BCAS1: variants seen among roughly 807,000 people sequenced by gnomAD.
BCAS1 encodes the protein brain enriched myelin associated protein 1, also known as breast carcinoma-amplified sequence 1.
Under a neutral mutation model 65.4 loss-of-function variants are expected in BCAS1, and 46 were observed. That is an observed-to-expected ratio of 0.70 (90% CI 0.55 to 0.90). The LOEUF is 0.90. Ranked by LOEUF, BCAS1 falls within the 40% of genes least tolerant of loss-of-function variation. The pLI is 0.00. For synonymous variants in BCAS1, 298 were observed against 293.5 expected (o/e 1.02, Z -0.16); for missense variants, 793 against 771.2 (o/e 1.03, Z -0.33).
intron 1 of BCAS1, among the ~76,000 whole-genome samples, chr20:54,059,314 G>A (rs756532459): frequency 1.3e-5 from 2 of 152,170 alleles, no homozygotes; most frequent in Non-Finnish European, 2.9e-5. Context: ...GCATTTCATT[G>A]CTAGGGGAAA....
chr20:54,050,278 C>T (rs1000774625), intron 3 of BCAS1, among the ~76,000 whole-genome samples: 6 of 152,170 alleles, frequency 3.9e-5, no homozygotes, highest in African/African-American at 1.4e-4. Context: ...TCTCACATTC[C>T]TTAGTCACAT....
At chr20:53,989,459 A>G (rs80132953) in intron 7 of BCAS1, among the ~76,000 whole-genome samples, 3,129 of 152,278 alleles carry the variant, frequency 0.021, 47 homozygotes, top group Middle Eastern at 0.058. Context: ...TACGTCCCCA[A>G]TTCCCATCAG....
chr20:54,027,792 C>T (rs1052616489), intron 4 of BCAS1, among the ~76,000 whole-genome samples: 9 of 142,418 alleles, frequency 6.3e-5, no homozygotes. Flanking sequence ...ACAAAAAAAC[C>T]CCCCAAAAAA....
chr20:54,039,245 C>CT (rs779584907), intron 3 of BCAS1, among the ~76,000 whole-genome samples: 2 of 151,506 alleles, frequency 1.3e-5, no homozygotes, highest in African/African-American at 2.4e-5. Context: ...AGATTTGAAA[C>CT]TTTCACTGAA....
intron 2 of BCAS1, 37 bp from the exon 3 acceptor site, chr20:54,058,191 C>CG: frequency 6.3e-7 from 1 of 1,587,974 alleles, no homozygotes; most frequent in South Asian, 1.1e-5. Context: ...GACAAATCTT[C>CG]GGGGGAAAAT....
At chr20:54,062,359 C>T (rs1486838035) in intron 1 of BCAS1, among the ~76,000 whole-genome samples, 2 of 152,218 alleles carry the variant, frequency 1.3e-5, no homozygotes, top group Non-Finnish European at 2.9e-5. Context: ...AGCAATTCAA[C>T]AAGACAGAGG....
At chr20:53,997,949 C>T (rs566970914) in intron 4 of BCAS1, among the ~76,000 whole-genome samples, 1 of 152,254 alleles carries the variant, frequency 6.6e-6, no homozygotes, top group Non-Finnish European at 1.5e-5. Flanking sequence ...GTGGGTTCCG[C>T]CTTCTCCACA....
intron 7 of BCAS1, among the ~76,000 whole-genome samples, chr20:53,985,798 A>G (rs1275709606): frequency 6.6e-6 from 1 of 152,152 alleles, no homozygotes; most frequent in Non-Finnish European, 1.5e-5. Flanking sequence ...TAGAATATGG[A>G]GTTCTTATTT....
intron 4 of BCAS1, among the ~76,000 whole-genome samples, chr20:54,005,970 G>T (rs1025856088): frequency 6.6e-6 from 1 of 152,160 alleles, no homozygotes; most frequent in African/African-American, 2.4e-5. Context: ...CAATAATTTG[G>T]AGTCAGACTG....
chr20:54,021,564 G>C (rs969122136), intron 4 of BCAS1, among the ~76,000 whole-genome samples: 8 of 151,654 alleles, frequency 5.3e-5, no homozygotes, highest in Non-Finnish European at 1.0e-4. Context: ...AAAGGAACAA[G>C]ATCATGTCCT....
At chr20:54,009,347 A>G (rs2091272963) in intron 4 of BCAS1, among the ~76,000 whole-genome samples, 1 of 152,230 alleles carries the variant, frequency 6.6e-6, no homozygotes, top group Non-Finnish European at 1.5e-5. Flanking sequence ...CTCTATTAGT[A>G]GAGACAACAG....
chr20:54,059,126 C>G (rs1450856191), intron 1 of BCAS1, among the ~76,000 whole-genome samples: 1 of 152,204 alleles, frequency 6.6e-6, no homozygotes, highest in East Asian at 1.9e-4. Context: ...ATCCAATTAC[C>G]TCCACCTGGT....
chr20:54,000,704 G>A (rs1487335541), intron 4 of BCAS1, among the ~76,000 whole-genome samples: 1 of 151,704 alleles, frequency 6.6e-6, no homozygotes, highest in African/African-American at 2.4e-5. Flanking sequence ...GGTTCCTTTT[G>A]GATAGTTTCT....
chr20:54,055,340 T>C (rs1214619966), intron 3 of BCAS1, among the ~76,000 whole-genome samples: 1 of 152,176 alleles, frequency 6.6e-6, no homozygotes, highest in East Asian at 1.9e-4. Context: ...GAATTGGACT[T>C]ACAGATCCAT....
chr20:54,041,611 G>T (rs1021714386), intron 3 of BCAS1, among the ~76,000 whole-genome samples: 1 of 152,024 alleles, frequency 6.6e-6, no homozygotes, highest in African/African-American at 2.4e-5. Flanking sequence ...GGCTGGGTAC[G>T]GTGGCTTAAC....
At chr20:54,002,722 A>G (rs1401035584) in intron 4 of BCAS1, among the ~76,000 whole-genome samples, 1 of 152,246 alleles carries the variant, frequency 6.6e-6, no homozygotes, top group Non-Finnish European at 1.5e-5. Flanking sequence ...GATTATGAAC[A>G]TTATTTATAA....
intron 1 of BCAS1, among the ~76,000 whole-genome samples, chr20:54,068,136 A>C (rs1258023770): frequency 6.6e-6 from 1 of 152,188 alleles, no homozygotes; most frequent in East Asian, 1.9e-4. Flanking sequence ...GAACTGCCCA[A>C]GCCCTGATTC....
In BCAS1 at chr20:53,985,518, T is replaced by C; in HGVS notation, c.1063-19A>G. The C allele has an allele frequency of 2.5e-6, 4 of 1,607,942 alleles. No individual in the cohort carries two copies. Among genetic ancestry groups the C allele is most frequent in the Non-Finnish European group, 2.6e-6 (3 of 1,175,836 alleles). ...CAGCACCCTAAAGAGTTAAAAAAAA[T>C]GGAGGGAAAACATTCAAAATGGTCT... On this transcript the variant is annotated intron_variant, in intron 7 of 12. Transcript: ENST00000688948.
At chr20:54,058,228 A>G in intron 2 of BCAS1, 74 bp from the exon 3 acceptor site, 1 of 1,326,678 alleles carries the variant, frequency 7.5e-7, no homozygotes. Context: ...AGAACCTCTA[A>G]GATACAAGGG....
Sources: allele counts gnomAD v4.1 joint callset (sites outside exome capture counted in the v4.1 genomes callset), GRCh38; gene constraint gnomAD v4.1.1; transcripts MANE v1.5; gene names NCBI Gene and HGNC (gene_info 2026-07-23, HGNC 2026-07-21).